Variants in LIN28B observed in about 807,000 individuals in gnomAD.
LIN28B encodes lin-28 RNA binding posttranscriptional regulator B.
A neutral mutation model predicts 21.9 loss-of-function variants in LIN28B; 5 were observed. That is an observed-to-expected ratio of 0.23 (90% CI 0.12 to 0.48). LIN28B has a LOEUF of 0.48. LIN28B is among the 20% of genes least tolerant of loss of function. The pLI, the probability that LIN28B is intolerant of heterozygous loss-of-function variation, is 0.98. For synonymous variants in LIN28B, 109 were observed against 111.3 expected, an observed-to-expected ratio of 0.98 and a Z score of 0.13; for missense variants, 245 against 310.5, an observed-to-expected ratio of 0.79 and a Z score of 1.58.
At chr6:105,003,230 G>A (rs149862383) in intron 2 of LIN28B, among the ~76,000 whole-genome samples, 2,420 of 152,260 alleles carry the variant, frequency 0.016, 31 homozygotes, top group Non-Finnish European at 0.023. Flanking sequence ...ATCATTTTAC[G>A]ATAGAGAAAA....
intron 2 of LIN28B, among the ~76,000 whole-genome samples, chr6:105,016,819 G>A (rs756517449): frequency 3.1e-4 from 47 of 152,084 alleles, no homozygotes; most frequent in Non-Finnish European, 6.3e-4. Flanking sequence ...CCCTTCGCGA[G>A]GCTGAGTTGG....
intron 2 of LIN28B, among the ~76,000 whole-genome samples, chr6:105,015,783 A>G (rs1235510290): frequency 3.9e-5 from 6 of 152,200 alleles, no homozygotes; most frequent in Admixed American, 3.9e-4. Flanking sequence ...ATACCATGCC[A>G]GATACTGTAG....
At chr6:104,960,845 T>C (rs761864370) in intron 2 of LIN28B, among the ~76,000 whole-genome samples, 9 of 152,164 alleles carry the variant, frequency 5.9e-5, no homozygotes, top group Admixed American at 2.0e-4. Context: ...TATTTGTAGT[T>C]ATGTATATTT....
Position 104,957,256 on chromosome 6 carries a change from C to T in LIN28B, c.6C>T (p.Ala2=), listed in dbSNP as rs1385898161. 1.9e-6 allele frequency: 3 copies of T among 1,608,754 alleles called. No individual in the cohort carries two copies. The highest frequency in any genetic ancestry group is 2.2e-5 in the South Asian group (2 of 90,742). Residue 2 remains alanine, a synonymous_variant, in exon 1 of 4, where the codon GCC becomes GCT. Transcript: ENST00000345080. M[A]EGGASKGGGE... ...CTGAGGGCCCGTGGGGCAACATGGC[C>T]GAAGGTTAATTTTCTTTTCTATTGT...
Position 104,948,908 on chromosome 6 carries a change from A to C in LIN28B, c.19-1553A>C, listed in dbSNP as rs12529363. Reference sequence around the variant, plus strand: ...TTATTGTCAGTCAAATTGGCTTTTTAAAAAAAACTCCAAAAGCTAATAGTT... The same window carrying C: ...TTATTGTCAGTCAAATTGGCTTTTTCAAAAAAACTCCAAAAGCTAATAGTT... On this transcript the variant is annotated intron_variant, in intron 2 of 5. Coordinates refer to the LIN28B transcript ENST00000635857. Among the ~76,000 whole-genome samples, 1,172 of 152,066 alleles carry C rather than the reference A, an allele frequency of 7.7e-3. 15 individuals carry two copies. The highest frequency in any genetic ancestry group is 0.027 in the African/African-American group (1,125 of 41,482).
At chr6:105,020,484 T>G (rs977748583) in intron 2 of LIN28B, among the ~76,000 whole-genome samples, 3 of 151,764 alleles carry the variant, frequency 2.0e-5, no homozygotes, top group African/African-American at 7.3e-5. Context: ...GCCCAGCTAA[T>G]TTTTTGTATT....
intron 2 of LIN28B, among the ~76,000 whole-genome samples, chr6:105,022,772 C>G (rs910271502): frequency 6.6e-6 from 1 of 151,886 alleles, no homozygotes; most frequent in African/African-American, 2.4e-5. Context: ...GCTAGCCTTG[C>G]GGGGAAATGA....
chr6:104,992,819 A>AT (rs1770520438), intron 2 of LIN28B, among the ~76,000 whole-genome samples: 1 of 151,914 alleles, frequency 6.6e-6, no homozygotes. Flanking sequence ...CTGATCAAGT[A>AT]TTTTTTACTA....
intron 3 of LIN28B, among the ~76,000 whole-genome samples, chr6:105,050,329 G>A (rs575301346): frequency 1.9e-3 from 285 of 152,148 alleles, no homozygotes; most frequent in Admixed American, 1.9e-3. Context: ...GAGGCTGGGC[G>A]CGGTGGCTCA....
At chr6:105,061,113 G>T (rs111340003) in intron 3 of LIN28B, among the ~76,000 whole-genome samples, 3,624 of 152,228 alleles carry the variant, frequency 0.024, 143 homozygotes, top group African/African-American at 0.082. Context: ...ACTTAAAACT[G>T]TACTACACAA....
At chr6:105,017,733 T>C (rs897388063) in intron 2 of LIN28B, among the ~76,000 whole-genome samples, 2 of 151,504 alleles carry the variant, frequency 1.3e-5, no homozygotes, top group African/African-American at 4.9e-5. Context: ...CACCGGGGAC[T>C]ACTAGAGAAG....
chr6:104,940,142 T>C (rs1191653085), intron 2 of LIN28B: 4 of 168,638 alleles, frequency 2.4e-5, no homozygotes, highest in Admixed American at 2.0e-4. Context: ...TTGTCTACCA[T>C]GCTCACTGGA....
chr6:104,945,947 C>T (rs1011987792), intron 2 of LIN28B, among the ~76,000 whole-genome samples: 1 of 151,828 alleles, frequency 6.6e-6, no homozygotes, highest in African/African-American at 2.4e-5. Context: ...ATAGAGGTGT[C>T]CATATCTTAT....
chr6:105,007,020 C>T (rs529815408), intron 2 of LIN28B, among the ~76,000 whole-genome samples: 3 of 152,254 alleles, frequency 2.0e-5, no homozygotes, highest in African/African-American at 7.2e-5. Context: ...TTCATATATG[C>T]TCTTGCCATT....
intron 2 of LIN28B, among the ~76,000 whole-genome samples, chr6:104,984,944 A>AT (rs1770304726): frequency 6.6e-6 from 1 of 152,164 alleles, no homozygotes; most frequent in African/African-American, 2.4e-5. Context: ...CATTATTAAC[A>AT]TTTTCTCCAT....
chr6:104,983,999 C>T (rs185678260), intron 2 of LIN28B, among the ~76,000 whole-genome samples: 86 of 152,224 alleles, frequency 5.6e-4, no homozygotes, highest in African/African-American at 1.7e-3. Flanking sequence ...ATTTACTTGC[C>T]GGCACCAATC....
intron 2 of LIN28B, among the ~76,000 whole-genome samples, chr6:104,999,235 G>C (rs1455880305): frequency 4.6e-5 from 7 of 152,192 alleles, no homozygotes; most frequent in African/African-American, 1.4e-4. Context: ...GAACTCTAAG[G>C]CTCAAGAGAT....
At chr6:105,073,757 A>G (rs892573335) in intron 3 of LIN28B, among the ~76,000 whole-genome samples, 1 of 152,058 alleles carries the variant, frequency 6.6e-6, no homozygotes, top group Non-Finnish European at 1.5e-5. Flanking sequence ...AATTTTTTTC[A>G]TCACTCTCAG....
upstream of LIN28B, among the ~76,000 whole-genome samples, chr6:104,952,309 A>G (rs1241383123): frequency 6.6e-6 from 1 of 152,252 alleles, no homozygotes; most frequent in Non-Finnish European, 1.5e-5. Flanking sequence ...TTTTGCAGCT[A>G]AAACATGAAG....
Sources: allele counts gnomAD v4.1 joint callset (sites outside exome capture counted in the v4.1 genomes callset), GRCh38; gene constraint gnomAD v4.1.1; transcripts MANE v1.5; gene names NCBI Gene and HGNC (gene_info 2026-07-23, HGNC 2026-07-21).